Variants in SPTBN2 observed in about 807,000 individuals in gnomAD.
SPTBN2 encodes spectrin beta chain, non-erythrocytic 2.
SPTBN2 carries 107 observed loss-of-function variants against 284.2 expected under a neutral mutation model. The observed-to-expected ratio is 0.38, with a 90% CI of 0.32 to 0.44. SPTBN2 has a LOEUF of 0.44. Ranked by LOEUF, SPTBN2 falls within the 20% of genes least tolerant of loss-of-function variation. The pLI is 1.00. For missense variants in SPTBN2, 2,569 were observed against 3,287.1 expected (o/e 0.78, Z 5.34); for synonymous variants, 1,289 against 1,354.8 (o/e 0.95, Z 1.07).
chr11:66,686,071 C>T lies in SPTBN2; in HGVS notation c.6973G>A (p.Ala2325Thr). The T allele has an allele frequency of 6.2e-7, 1 of 1,613,762 alleles. No homozygotes were observed. The highest frequency in any genetic ancestry group is 8.5e-7 in the Non-Finnish European group (1 of 1,179,944). ...EMSSWLRVVN[A>T]AIATASSASG... ...GCAGAAGACGCTGTGGCAATGGCTG[C>T]ATTCACCACCCGTAGCCACGAGCTC... is the stretch of plus-strand genomic sequence containing the variant. The change falls in exon 38 of 38, where the codon GCA (alanine) becomes ACA (threonine). Residue 2325 changes from alanine to threonine, a missense_variant. Physicochemically the swap from Ala to Thr is moderately conservative, Grantham distance 58. Around this residue, in one of 6 missense-constraint regions of SPTBN2, gnomAD observed 1,130 missense variants for 1,317.3 expected, o/e 0.86. Transcript: ENST00000533211.
At chr11:66,732,511 G>A (rs918772815), upstream of SPTBN2, among the ~76,000 whole-genome samples, 5 of 152,144 alleles carry the variant, frequency 3.3e-5, no homozygotes, top group South Asian at 2.1e-4. Context: ...TTAGCTGGGC[G>A]TGGTGGCATG....
Position 66,693,419 on chromosome 11 carries a change from C to T in SPTBN2, c.4621G>A (p.Glu1541Lys), listed in dbSNP as rs748559171. 14 of 1,599,640 alleles carry T rather than the reference C, an allele frequency of 8.8e-6. No homozygotes were observed. The South Asian group carries it at 1.4e-4, about 16-fold the overall frequency. The change falls in exon 24 of 38, where the codon GAG becomes AAG. Residue 1541 changes from glutamate to lysine, a missense_variant. Glu to Lys is a moderately conservative substitution (Grantham distance 56, BLOSUM62 1). Coordinates refer to ENST00000533211, the MANE Select transcript of SPTBN2 (RefSeq NM_006946.4). This position sits in a 1 kb window ranked among gnomAD's most constrained non-coding sequence, Gnocchi z 5.7. ...QTLQKEIQGH[E>K]PRIADLRERQ... ...TCCCTCAGGTCCGCGATCCGGGGCTCATGGCCCTGAATCTCTTTCTGCAGG... is the reference window on the plus strand; with the variant it reads ...TCCCTCAGGTCCGCGATCCGGGGCTTATGGCCCTGAATCTCTTTCTGCAGG...
At chr11:66,709,327 A>ATG (rs1161301404) in intron 10 of SPTBN2, among the ~76,000 whole-genome samples, 44 of 151,868 alleles carry the variant, frequency 2.9e-4, no homozygotes, top group Non-Finnish European at 5.4e-4. Context: ...ACAGGCATGC[A>ATG]CCACCACACC....
rs778630873 is a variant in SPTBN2 at position 66,707,469 on chromosome 11, C to A, written c.1653+47G>T. On this transcript the variant is annotated intron_variant, in intron 13 of 37. Coordinates refer to ENST00000533211, the MANE Select transcript of SPTBN2 (RefSeq NM_006946.4). The surrounding 1 kb of genome is among the most constrained non-coding windows in gnomAD (Gnocchi z 4.9). ...GCGGACGCACCCACTGTGGGGCCCC[C>A]TCGACTCTTGATCACTCTTACCCCA... is the stretch of plus-strand genomic sequence containing the variant. 25 of 1,555,214 alleles carry A rather than the reference C, an allele frequency of 1.6e-5. No individual in the cohort carries two copies. The South Asian group carries it at 2.8e-4, about 18-fold the overall frequency.
At chr11:66,714,863 G>A (rs1031548338) in intron 5 of SPTBN2, among the ~76,000 whole-genome samples, 4 of 152,164 alleles carry the variant, frequency 2.6e-5, no homozygotes, top group African/African-American at 7.2e-5. Context: ...GCAGGGAATT[G>A]GTGCCAGTGA....
In SPTBN2 at chr11:66,704,621, C is replaced by T. The variant is rs1405218586; in HGVS notation, c.2655G>A (p.Glu885=). ...LNGLALPERL[E]DLEVVQQRFE... is the part of the protein sequence containing the mutation. ...ACCTCTGCTGCACGACCTCCAGGTC[C>T]TCCAGGCGTTCAGGCAGGGCCAGCC... Residue 885 remains glutamate, a synonymous_variant, in exon 15 of 38, where the codon GAG becomes GAA. Transcript: ENST00000533211. 2 of 1,612,294 alleles carry T rather than the reference C, an allele frequency of 1.2e-6. No individual in the cohort carries two copies. Among genetic ancestry groups the T allele is most frequent in the Non-Finnish European group, 1.7e-6 (2 of 1,179,736 alleles).
At position 66,687,854 on chromosome 11, in the gene SPTBN2, G is replaced by A. The variant is rs775084048; in HGVS notation, c.6501+14C>T. On this transcript the variant is annotated intron_variant, in intron 34 of 37. Transcript: ENST00000533211. The surrounding 1 kb of genome is among the most constrained non-coding windows in gnomAD (Gnocchi z 5.2). ...CCTCACAGTTATCAACACCACACTT[G>A]CAGGGGAACTCACCGGCCCTTCGGG... is the stretch of plus-strand genomic sequence containing the variant. The A allele has an allele frequency of 8.7e-6, 14 of 1,613,968 alleles. No individual in the cohort carries two copies. In the South Asian group the frequency reaches 1.1e-4, roughly 13 times the overall value.
Position 66,715,477 on chromosome 11 carries a change from C to A in SPTBN2, c.310-82G>T. 6.6e-7 allele frequency: 1 copy of A among 1,521,664 alleles called. No individual in the cohort carries two copies. Among genetic ancestry groups the A allele is most frequent in the Non-Finnish European group, 8.9e-7 (1 of 1,126,804 alleles). The allele number at this position is 1,521,664 out of a possible 1,614,324, so 94.3% of individuals were successfully genotyped here. ...AGCCTTCACAGGGCCCAGCTTTGCACACCTTCCCCATGACCTACCTCAGGA... is the reference window on the plus strand; with the variant it reads ...AGCCTTCACAGGGCCCAGCTTTGCAAACCTTCCCCATGACCTACCTCAGGA... On this transcript the variant is annotated intron_variant, in intron 4 of 37. Coordinates refer to ENST00000533211, the MANE Select transcript of SPTBN2 (RefSeq NM_006946.4). The surrounding 1 kb of genome is among the most constrained non-coding windows in gnomAD (Gnocchi z 5.3).
intron 15 of SPTBN2, among the ~76,000 whole-genome samples, chr11:66,702,735 G>A (rs1025143928): frequency 9.9e-5 from 15 of 151,572 alleles, no homozygotes; most frequent in Non-Finnish European, 2.9e-5. Flanking sequence ...TCAGGAGATC[G>A]AGACCATCCT....
In SPTBN2 at chr11:66,685,553, TG is replaced by T. The variant is rs926681925; in HGVS notation, c.*317del. On this transcript the variant is annotated 3_prime_UTR_variant, in exon 38 of 38. Transcript: ENST00000533211. This position sits in a 1 kb window ranked among gnomAD's most constrained non-coding sequence, Gnocchi z 4.4. The stretch of plus-strand genomic sequence containing the variant: ...GAGGCAGGGGCAGCCACTCCCCACA[TG>T]GCCTATGTTGAGGGTGCGGCACTGT... The T allele has an allele frequency of 4.6e-5, 17 of 368,664 alleles. No individual in the cohort carries two copies. Among genetic ancestry groups the T allele is most frequent in the African/African-American group, 3.5e-4 (16 of 45,146 alleles). 22.8% of individuals were successfully genotyped at this position (368,664 alleles called of 1,614,324 possible).
rs538779844 is a variant in SPTBN2 at position 66,693,355 on chromosome 11, T to C, written c.4685A>G (p.Glu1562Gly). ...RALGAAAAGPELAELQEMWKR... is the reference protein window; with the variant it reads ...RALGAAAAGPGLAELQEMWKR... The stretch of plus-strand genomic sequence containing the variant: ...CCACATTTCCTGCAGCTCAGCCAGC[T>C]CTGGACCTGCTGCTGCTGCACCTAG... The change falls in exon 24 of 38, where the codon GAG becomes GGG. Residue 1562 changes from glutamate (E) to glycine (G), a missense_variant. This residue lies in a region of SPTBN2 where 1,130 missense variants were observed against 1,317.3 expected (regional missense o/e 0.86). Transcript: ENST00000533211. The surrounding 1 kb of genome is among the most constrained non-coding windows in gnomAD (Gnocchi z 5.7). The C allele has an allele frequency of 1.2e-6, 2 of 1,607,004 alleles. No individual in the cohort carries two copies. The highest frequency in any genetic ancestry group is 4.5e-5 in the East Asian group (2 of 44,880).
intron 1 of SPTBN2, among the ~76,000 whole-genome samples, chr11:66,722,233 T>G (rs1432377259): frequency 6.6e-6 from 1 of 151,994 alleles, no homozygotes; most frequent in Non-Finnish European, 1.5e-5. Flanking sequence ...CCCTGTGGGG[T>G]GAGGGCCCAC....
At chr11:66,704,380 G>T (rs979911952) in intron 15 of SPTBN2, among the ~76,000 whole-genome samples, 7 of 152,206 alleles carry the variant, frequency 4.6e-5, no homozygotes, top group Non-Finnish European at 1.0e-4. Context: ...GCAAGATGTT[G>T]GCAATGACTG....
intron 8 of SPTBN2, among the ~76,000 whole-genome samples, chr11:66,712,523 G>C (rs1374831855): frequency 6.6e-6 from 1 of 151,294 alleles, no homozygotes; most frequent in African/African-American, 2.4e-5. Flanking sequence ...CTCCAGTCTG[G>C]GCAACAGAGT....
At chr11:66,695,480 A>G (rs998450509) in intron 21 of SPTBN2, among the ~76,000 whole-genome samples, 4 of 151,978 alleles carry the variant, frequency 2.6e-5, no homozygotes, top group Non-Finnish European at 5.9e-5. Context: ...GCTAGTCTCA[A>G]AACTCCTGGA....
Position 66,682,899 on chromosome 11 carries a change from A to T in SPTBN2, c.*2972T>A, listed in dbSNP as rs141019534. On this transcript the variant is annotated 3_prime_UTR_variant, in exon 38 of 38. Coordinates refer to ENST00000533211, the MANE Select transcript of SPTBN2 (RefSeq NM_006946.4). ...TGCCTCAGCCTCCCAAGTAGCTGAGACTACAGGCACATGCCACTACACCTG... is the reference window on the plus strand; with the variant it reads ...TGCCTCAGCCTCCCAAGTAGCTGAGTCTACAGGCACATGCCACTACACCTG... Among the ~76,000 whole-genome samples, 624 of 151,750 alleles carry T rather than the reference A, an allele frequency of 4.1e-3. 4 individuals are homozygous for T. Among genetic ancestry groups the T allele is most frequent in the African/African-American group, 0.014 (589 of 41,310 alleles).
Position 66,707,281 on chromosome 11 carries a change from C to T in SPTBN2, c.1653+235G>A, listed in dbSNP as rs1212835785. The stretch of plus-strand genomic sequence containing the variant: ...TCCAGTTTCATCAGTGGTTTTATGG[C>T]CCCTGCTCTTTTGTTTACGGAAAGG... On this transcript the variant is annotated intron_variant, in intron 13 of 37. Transcript: ENST00000533211. This position sits in a 1 kb window ranked among gnomAD's most constrained non-coding sequence, Gnocchi z 4.9. Among the ~76,000 whole-genome samples the T allele has an allele frequency of 2.0e-5, 3 of 152,252 alleles. No homozygotes were observed. Among genetic ancestry groups the T allele is most frequent in the African/African-American group, 7.2e-5 (3 of 41,466 alleles).
chr11:66,729,595 G>A (rs1942764805), upstream of SPTBN2, among the ~76,000 whole-genome samples: 1 of 152,194 alleles, frequency 6.6e-6, no homozygotes, highest in Admixed American at 6.5e-5. Context: ...GTACTTTCCA[G>A]ATATGGTTTT....
Position 66,715,959 on chromosome 11 carries a change from C to T in SPTBN2, c.180G>A (p.Lys60=), listed in dbSNP as rs1942125936. ...ALADEREAVQ[K]KTFTKWVNSH... The stretch of plus-strand genomic sequence containing the variant: ...AGTTTACCCACTTGGTGAAGGTTTT[C>T]TTCTGCACAGCTTCTCGTTCATCTG... The change falls in exon 4 of 38, where the codon AAG becomes AAA. Residue 60 remains lysine, a synonymous_variant. Transcript: ENST00000533211. This position sits in a 1 kb window ranked among gnomAD's most constrained non-coding sequence, Gnocchi z 5.3. 1 of 1,613,966 alleles carries T rather than the reference C, an allele frequency of 6.2e-7. No individual in the cohort carries two copies. The highest frequency in any genetic ancestry group is 1.3e-5 in the African/African-American group (1 of 74,918).
Sources: allele counts gnomAD v4.1 joint callset (sites outside exome capture counted in the v4.1 genomes callset), GRCh38; gene constraint gnomAD v4.1.1; regional missense constraint gnomAD v4.1.1; non-coding constraint Gnocchi (gnomAD v3.1); transcripts MANE v1.5; gene names NCBI Gene and HGNC (gene_info 2026-07-23, HGNC 2026-07-21).